TMEM236: variants seen among roughly 807,000 people sequenced by gnomAD.
TMEM236 encodes the protein transmembrane protein 236.
TMEM236 carries 11 observed loss-of-function variants against 14.7 expected under a neutral mutation model. The ratio of observed to expected loss-of-function variants is 0.75; its 90% CI spans 0.47 to 1.24. The LOEUF is 1.24. Among genes scored for constraint, TMEM236 ranks in the 50% most tolerant of loss-of-function variants. TMEM236 has a pLI of 0.00. For synonymous variants in TMEM236, 182 were observed against 168.6 expected (o/e 1.08, Z -0.62); for missense variants, 464 against 427.3 (o/e 1.09, Z -0.76).
chr10:17,766,574 A>G (rs1554834338), intron 1 of TMEM236, among the ~76,000 whole-genome samples: 2 of 152,022 alleles, frequency 1.3e-5, no homozygotes, highest in African/African-American at 2.4e-5. Flanking sequence ...GGCTTTTTCT[A>G]TTGTGCTTCT....
chr10:17,773,423 C>T (rs1287746913), intron 2 of TMEM236, among the ~76,000 whole-genome samples: 3 of 152,030 alleles, frequency 2.0e-5, no homozygotes, highest in Non-Finnish European at 4.4e-5. Flanking sequence ...CTGCAAGCTC[C>T]GCCTCCCAGG....
chr10:17,796,328 G>A lies in TMEM236; in HGVS notation c.880G>A (p.Val294Ile), dbSNP rs965930198. ...PQNPLLNSLS[V>I]LLQDLPFVFV... ...AAACCCTCTTCTCAATTCCCTGAGC[G>A]TCCTGCTGCAAGATTTACCATTCGT... The change falls in exon 4 of 4, where the codon GTC becomes ATC. Residue 294 changes from valine (V) to isoleucine (I), a missense_variant. Transcript: ENST00000377495. The A allele has an allele frequency of 1.1e-3, 1,749 of 1,613,838 alleles. 1 individual carries two copies. Among genetic ancestry groups the A allele is most frequent in the Non-Finnish European group, 1.4e-3 (1,635 of 1,179,844 alleles).
chr10:17,795,762 A>G (rs1157556349), intron 3 of TMEM236, among the ~76,000 whole-genome samples, 159 bp from the exon 4 acceptor site: 1 of 152,238 alleles, frequency 6.6e-6, no homozygotes, highest in Admixed American at 6.5e-5. Context: ...TGTCCTGCAC[A>G]TGTATCCTGG....
At chr10:17,769,518 G>A (rs1013153110) in intron 1 of TMEM236, among the ~76,000 whole-genome samples, 1 of 152,180 alleles carries the variant, frequency 6.6e-6, no homozygotes, top group Non-Finnish European at 1.5e-5. Flanking sequence ...GAACAAGCCC[G>A]GGAATAATCT....
chr10:17,773,494 C>T (rs1837608102), intron 2 of TMEM236, among the ~76,000 whole-genome samples: 2 of 152,224 alleles, frequency 1.3e-5, no homozygotes. Flanking sequence ...CCCACCACCA[C>T]TATGGGCTAA....
rs992324919 is a variant in TMEM236, at chr10:17,790,170, C to T, written c.473-5751C>T. The stretch of plus-strand genomic sequence containing the variant: ...GCGTTTGCCCAGGACATCAAAGCTG[C>T]AATGAGCCAGGATTGTACCACTGCA... On this transcript the variant is annotated intron_variant, in intron 3 of 3. Coordinates refer to ENST00000377495, the MANE Select transcript of TMEM236 (RefSeq NM_001098844.3). 1.4e-4 allele frequency among the ~76,000 whole-genome samples: 21 copies of T among 152,206 alleles called. No individual in the cohort carries two copies. The East Asian group carries it at 4.1e-3, about 29-fold the overall frequency.
chr10:17,763,550 C>G (rs1837410813), intron 1 of TMEM236, among the ~76,000 whole-genome samples: 1 of 152,182 alleles, frequency 6.6e-6, no homozygotes, highest in Non-Finnish European at 1.5e-5. Flanking sequence ...TTGAAGTCAG[C>G]AGCTTTTTAG....
At chr10:17,777,685 C>T (rs1334976122) in intron 3 of TMEM236, among the ~76,000 whole-genome samples, 2 of 152,032 alleles carry the variant, frequency 1.3e-5, no homozygotes, top group Non-Finnish European at 2.9e-5. Context: ...AAGAAAGACA[C>T]GTGTATCTTT....
intron 1 of TMEM236, among the ~76,000 whole-genome samples, chr10:17,755,133 T>C (rs1346575991): frequency 4.7e-5 from 7 of 150,214 alleles, no homozygotes; most frequent in Admixed American, 4.0e-4. Flanking sequence ...GTATTTTTAA[T>C]AGAGACAGGG....
chr10:17,771,256 G>T (rs2131748984), intron 1 of TMEM236, 53 bp from the exon 2 acceptor site: 1 of 1,531,670 alleles, frequency 6.5e-7, no homozygotes, highest in Non-Finnish European at 9.0e-7. Context: ...AATGTAAGAG[G>T]AACTGTCGAT....
chr10:17,787,691 G>A (rs1837861607), intron 3 of TMEM236, among the ~76,000 whole-genome samples: 1 of 152,178 alleles, frequency 6.6e-6, no homozygotes. Flanking sequence ...GGTGCTGGGG[G>A]TACAAAGCTG....
chr10:17,785,996 AG>A (rs1415656833), intron 3 of TMEM236, among the ~76,000 whole-genome samples: 4 of 152,204 alleles, frequency 2.6e-5, no homozygotes, highest in African/African-American at 9.6e-5. Context: ...ATAGAATGTC[AG>A]GTGCTATCAA....
At chr10:17,769,083 T>C (rs1412110131) in intron 1 of TMEM236, among the ~76,000 whole-genome samples, 1 of 152,060 alleles carries the variant, frequency 6.6e-6, no homozygotes, top group Non-Finnish European at 1.5e-5. Context: ...TTCCCCAACA[T>C]TGGAGCAGTG....
At chr10:17,775,948 T>C in intron 2 of TMEM236, 81 bp from the exon 3 acceptor site, 1 of 1,493,896 alleles carries the variant, frequency 6.7e-7, no homozygotes. Flanking sequence ...ATTAATTTAG[T>C]GCTGCATTCA....
At chr10:17,790,295 T>G (rs1164919387) in intron 3 of TMEM236, among the ~76,000 whole-genome samples, 1 of 152,224 alleles carries the variant, frequency 6.6e-6, no homozygotes, top group African/African-American at 2.4e-5. Context: ...TTCAGAGTGC[T>G]GTATTTGAAT....
chr10:17,756,398 C>A (rs1041211028), intron 1 of TMEM236, among the ~76,000 whole-genome samples: 1 of 151,994 alleles, frequency 6.6e-6, no homozygotes, highest in African/African-American at 2.4e-5. Flanking sequence ...CAGGTTCACA[C>A]GATTCTCTTG....
chr10:17,793,411 G>C (rs1837959669), intron 3 of TMEM236, among the ~76,000 whole-genome samples: 2 of 152,192 alleles, frequency 1.3e-5, no homozygotes, highest in African/African-American at 2.4e-5. Context: ...CCTACCAAGA[G>C]AGGGGAACAA....
chr10:17,754,647 A>G (rs1479810328), intron 1 of TMEM236, among the ~76,000 whole-genome samples: 1 of 152,158 alleles, frequency 6.6e-6, no homozygotes, highest in East Asian at 1.9e-4. Flanking sequence ...TTAAAAATAA[A>G]TAATTTACTG....
At chr10:17,786,870 T>C (rs1232802082) in intron 3 of TMEM236, among the ~76,000 whole-genome samples, 7 of 152,204 alleles carry the variant, frequency 4.6e-5, no homozygotes, top group Non-Finnish European at 8.8e-5. Flanking sequence ...AGTAAATAAA[T>C]ACCTGTCTTT....
Sources: gnomAD v4.1 joint callset for allele counts (sites outside exome capture counted in the v4.1 genomes callset) on GRCh38, gnomAD v4.1.1 for gene constraint, MANE v1.5 for transcripts, NCBI Gene and HGNC (gene_info 2026-07-23, HGNC 2026-07-21) for gene names.